ZNF469: variants seen among roughly 807,000 people sequenced by gnomAD.
ZNF469 encodes zinc finger protein 469.
ZNF469 carries 1 observed loss-of-function variant against 1.0 expected under a neutral mutation model. The observed-to-expected ratio is 1.00, with a 90% CI of 0.35 to 4.73. The LOEUF (loss-of-function observed/expected upper bound fraction) is 4.73. Ranked by LOEUF, ZNF469 falls within the 30% of genes most tolerant of loss-of-function variation. The probability of loss-of-function intolerance (pLI) is 0.16; values close to 1 mark genes in which losing one functional copy is unlikely to be tolerated. For missense variants in ZNF469, 6,100 were observed against 5,356.3 expected (o/e 1.14, Z -4.33); for synonymous variants, 2,703 against 2,363.4 (o/e 1.14, Z -4.17).
In ZNF469 at chr16:88,437,559, C is replaced by T. The variant is rs1433298615; in HGVS notation, c.10089C>T (p.Arg3363=). The change falls in exon 3 of 3, where the codon CGC becomes CGT. Residue 3363 remains arginine, a synonymous_variant. Transcript: ENST00000565624. ...QRHLAVHSPQ[R]VYLCPRCPRV... is the part of the protein sequence containing the mutation. ...ACCTGGCGGTGCACAGCCCGCAGCG[C>T]GTCTACCTGTGCCCCCGGTGCCCCC... The T allele has an allele frequency of 1.3e-6, 2 of 1,538,328 alleles. No individual in the cohort carries two copies. The highest frequency in any genetic ancestry group is 1.8e-6 in the Non-Finnish European group (2 of 1,138,232).
At chr16:88,111,550 G>A in the ZNF469 span, among the ~76,000 whole-genome samples, 107,302 of 151,812 alleles carry the variant, frequency 0.71, 40,662 homozygotes, top group Non-Finnish European at 0.86. Context: ...CCAGCCTGTG[G>A]TAACCCTCCT....
chr16:88,210,791 C>T, the ZNF469 span, among the ~76,000 whole-genome samples: 1 of 152,176 alleles, frequency 6.6e-6, no homozygotes, highest in African/African-American at 2.4e-5. Context: ...TGTTGTGTAT[C>T]GGTCCCACAC....
At chr16:88,229,598 GT>G in the ZNF469 span, among the ~76,000 whole-genome samples, 2 of 69,408 alleles carry the variant, frequency 2.9e-5, no homozygotes, top group South Asian at 1.3e-3. Flanking sequence ...GCGTGTGGAT[GT>G]CACGCGTGTG....
chr16:88,410,403 T>C (rs1036000267), intron 1 of ZNF469, among the ~76,000 whole-genome samples: 1 of 150,290 alleles, frequency 6.7e-6, no homozygotes, highest in African/African-American at 2.5e-5. Flanking sequence ...ATGCTGTTGA[T>C]GGTGCAGGTC....
At chr16:88,188,430 C>G in the ZNF469 span, among the ~76,000 whole-genome samples, 2 of 152,226 alleles carry the variant, frequency 1.3e-5, no homozygotes, top group Non-Finnish European at 2.9e-5. Flanking sequence ...TGAGGCTGTG[C>G]CTGGCCTAGT....
At chr16:88,114,248 T>A in the ZNF469 span, among the ~76,000 whole-genome samples, 1 of 135,936 alleles carries the variant, frequency 7.4e-6, no homozygotes, top group Non-Finnish European at 1.6e-5. Flanking sequence ...CCACACTCAC[T>A]CACTGCGGGT....
the ZNF469 span, among the ~76,000 whole-genome samples, chr16:88,257,784 G>C: frequency 6.6e-6 from 1 of 152,144 alleles, no homozygotes; most frequent in East Asian, 1.9e-4. Context: ...CACACACCCT[G>C]GTCAGCAAAG....
the ZNF469 span, among the ~76,000 whole-genome samples, chr16:88,241,832 A>G: frequency 6.6e-6 from 1 of 152,062 alleles, no homozygotes; most frequent in Non-Finnish European, 1.5e-5. The surrounding 1 kb of genome is among the most constrained non-coding windows in gnomAD (Gnocchi z 4.8). Flanking sequence ...AGGGTGAGGG[A>G]CCTGCTCCAG....
At chr16:88,282,900 G>A in the ZNF469 span, among the ~76,000 whole-genome samples, 6 of 152,092 alleles carry the variant, frequency 3.9e-5, no homozygotes, top group African/African-American at 9.7e-5. Context: ...TTCTGGGAGC[G>A]CATTACCTCC....
chr16:88,307,176 G>C, the ZNF469 span, among the ~76,000 whole-genome samples: 1 of 152,246 alleles, frequency 6.6e-6, no homozygotes, highest in South Asian at 2.1e-4. Context: ...GTGTGTGTCA[G>C]CACTTCATTC....
At chr16:88,289,327 ATGATGAGGGTGT>A in the ZNF469 span, among the ~76,000 whole-genome samples, 141 of 151,646 alleles carry the variant, frequency 9.3e-4, no homozygotes, top group Middle Eastern at 3.4e-3. Flanking sequence ...GGCGATGATG[ATGATGAGGGTGT>A]TGATGAGGGT....
At chr16:88,230,099 A>G in the ZNF469 span, among the ~76,000 whole-genome samples, 1 of 152,140 alleles carries the variant, frequency 6.6e-6, no homozygotes, top group Non-Finnish European at 1.5e-5. Context: ...TCTGCTCTCC[A>G]TCAGGAAGGC....
At chr16:88,221,822 C>T in the ZNF469 span, among the ~76,000 whole-genome samples, 8 of 152,216 alleles carry the variant, frequency 5.3e-5, no homozygotes, top group African/African-American at 1.9e-4. Context: ...GGCCCCTACT[C>T]TTCTCTGCTT....
the ZNF469 span, among the ~76,000 whole-genome samples, chr16:88,106,226 C>T: frequency 5.9e-5 from 9 of 152,328 alleles, no homozygotes; most frequent in South Asian, 2.1e-4. Context: ...CTGGAGTCAG[C>T]GCACTGCAGA....
In ZNF469 at chr16:88,435,669, G is replaced by A. The variant is rs533314130; in HGVS notation, c.8199G>A (p.Gly2733=). ...KPPGDRMLCP[G]RMDGAALGEQ... is the part of the protein sequence containing the mutation. ...CTGGAGATCGGATGCTGTGTCCAGG[G>A]AGGATGGATGGTGCAGCTCTGGGGG... Residue 2733 remains glycine (G), a synonymous_variant, in exon 3 of 3, where the codon GGG becomes GGA. Transcript: ENST00000565624. 6 of 1,550,452 alleles carry A rather than the reference G, an allele frequency of 3.9e-6. No homozygotes were observed. Among genetic ancestry groups the A allele is most frequent in the Non-Finnish European group, 5.2e-6 (6 of 1,147,006 alleles).
chr16:88,119,492 C>A, the ZNF469 span, among the ~76,000 whole-genome samples: 1 of 152,224 alleles, frequency 6.6e-6, no homozygotes, highest in Middle Eastern at 3.2e-3. Flanking sequence ...TCCTTCCAAG[C>A]CAATTGCTCA....
chr16:88,206,152 G>C, the ZNF469 span, among the ~76,000 whole-genome samples: 1 of 152,348 alleles, frequency 6.6e-6, no homozygotes, highest in East Asian at 1.9e-4. Context: ...AAGCTGAGCT[G>C]TGCCCGGAGA....
At chr16:88,239,212 G>A in the ZNF469 span, among the ~76,000 whole-genome samples, 1 of 152,086 alleles carries the variant, frequency 6.6e-6, no homozygotes, top group Admixed American at 6.6e-5. Flanking sequence ...TTTTCTACTG[G>A]TCCTACTCGT....
chr16:88,414,973 C>T (rs531790164), intron 1 of ZNF469, among the ~76,000 whole-genome samples: 7 of 152,362 alleles, frequency 4.6e-5, no homozygotes, highest in East Asian at 1.9e-4. Context: ...GGGTCAGCCG[C>T]GCCAGGGCCC....
Sources: gnomAD v4.1 joint callset for allele counts (sites outside exome capture counted in the v4.1 genomes callset) on GRCh38, gnomAD v4.1.1 for gene constraint, Gnocchi (gnomAD v3.1) non-coding constraint, MANE v1.5 for transcripts, NCBI Gene and HGNC (gene_info 2026-07-23, HGNC 2026-07-21) for gene names.